Variants in ZBTB40 observed in about 807,000 individuals in gnomAD.
ZBTB40 encodes the protein zinc finger and BTB domain containing 40, also known as zinc finger and BTB domain-containing protein 40.
In ZBTB40, 60 loss-of-function variants were observed where a neutral mutation model predicts 117.5. The observed-to-expected ratio is 0.51, with a 90% CI of 0.41 to 0.63. ZBTB40 has a LOEUF of 0.63. Ranked by LOEUF, ZBTB40 falls within the 30% of genes least tolerant of loss-of-function variation. The pLI, the probability that ZBTB40 is intolerant of heterozygous loss-of-function variation, is 0.00. For missense variants in ZBTB40, 1,287 were observed against 1,498.5 expected (o/e 0.86, Z 2.33); for synonymous variants, 525 against 577.1 (o/e 0.91, Z 1.29).
chr1:22,472,283 A>C (rs541405344), intron 1 of ZBTB40, among the ~76,000 whole-genome samples: 1 of 151,786 alleles, frequency 6.6e-6, no homozygotes, highest in Non-Finnish European at 1.5e-5. Context: ...TCCTGGGCTC[A>C]AGTGATCCTT....
At chr1:22,448,983 T>C (rs1439884959), upstream of ZBTB40, among the ~76,000 whole-genome samples, 1 of 152,014 alleles carries the variant, frequency 6.6e-6, no homozygotes, top group Non-Finnish European at 1.5e-5. Context: ...CAACTAATTT[T>C]TTTTGTATTT....
chr1:22,428,912 C>G (rs1284890861), exon 1 of ZBTB40, among the ~76,000 whole-genome samples: 1 of 152,186 alleles, frequency 6.6e-6, no homozygotes, highest in Non-Finnish European at 1.5e-5. Flanking sequence ...TTTCTTTCTT[C>G]TTTCCAGTTA....
At chr1:22,524,569 T>C in intron 17 of ZBTB40, 125 bp downstream of exon 17, 3 of 1,140,866 alleles carry the variant, frequency 2.6e-6, no homozygotes, top group Non-Finnish European at 3.7e-6. Flanking sequence ...CTCTCTGGAC[T>C]TCTTACAAAA....
intron 16 of ZBTB40, 107 bp from the exon 17 acceptor site, chr1:22,524,111 C>G (rs867979572): frequency 9.1e-7 from 1 of 1,100,132 alleles, no homozygotes; most frequent in South Asian, 1.3e-5. Context: ...GCCTCCAAGC[C>G]TCGATCCTCA....
intron 1 of ZBTB40, among the ~76,000 whole-genome samples, chr1:22,435,812 G>A (rs995853138): frequency 6.6e-6 from 1 of 152,008 alleles, no homozygotes; most frequent in Non-Finnish European, 1.5e-5. Context: ...ACATACATAT[G>A]ACAAAGGACT....
intron 1 of ZBTB40, among the ~76,000 whole-genome samples, chr1:22,488,454 G>T (rs1391888141): frequency 6.6e-6 from 1 of 152,156 alleles, no homozygotes; most frequent in African/African-American, 2.4e-5. Flanking sequence ...TGCTAACATG[G>T]CCTCTGAGCA....
At chr1:22,519,357 G>C (rs1217114730) in intron 13 of ZBTB40, among the ~76,000 whole-genome samples, 1 of 152,230 alleles carries the variant, frequency 6.6e-6, no homozygotes. Flanking sequence ...GTAGCTCTCA[G>C]ACAGCATGGA....
At chr1:22,516,970 G>A (rs1265110648) in intron 12 of ZBTB40, among the ~76,000 whole-genome samples, 1 of 152,158 alleles carries the variant, frequency 6.6e-6, no homozygotes, top group Non-Finnish European at 1.5e-5. Flanking sequence ...ACGTGTTTCT[G>A]GGCACAGGGA....
intron 1 of ZBTB40, among the ~76,000 whole-genome samples, chr1:22,436,045 A>G (rs932039134): frequency 1.3e-5 from 2 of 152,104 alleles, no homozygotes; most frequent in Non-Finnish European, 2.9e-5. Context: ...GAACTCTTGC[A>G]TATTGATGAT....
In ZBTB40 at chr1:22,529,215, C is replaced by T. The variant is rs557132465; in HGVS notation, c.*2819C>T. 1 of 152,524 alleles carries T rather than the reference C, an allele frequency of 6.6e-6. No individual in the cohort carries two copies. The highest frequency in any genetic ancestry group is 2.4e-5 in the African/African-American group (1 of 41,564). The allele number at this position is 152,524 out of a possible 1,614,324, so 9.4% of individuals were successfully genotyped here. A position where few individuals can be genotyped will look rare whatever the true frequency, so the allele number is the denominator to read the frequency against. On this transcript the variant is annotated 3_prime_UTR_variant, in exon 18 of 18. Transcript: ENST00000375647. ...TAGAGGACAGTGTTTGTGTGGTCTC[C>T]TGAGTCCACATCGCTCGCTTCCATG...
Position 22,523,786 on chromosome 1 carries a change from G to A in ZBTB40, c.3299-432G>A, listed in dbSNP as rs554561289. On this transcript the variant is annotated intron_variant, in intron 16 of 17. Coordinates refer to ENST00000375647, the MANE Select transcript of ZBTB40 (RefSeq NM_014870.4). ...TGATGCTGCCACTTTTGATGTTGGT[G>A]TGCGCATTGACGATTGCACCTGACT... 4.6e-5 allele frequency among the ~76,000 whole-genome samples: 7 copies of A among 152,308 alleles called. No individual in the cohort carries two copies. In the South Asian group the frequency reaches 1.4e-3, roughly 32 times the overall value.
intron 1 of ZBTB40, among the ~76,000 whole-genome samples, chr1:22,463,238 G>A (rs1641171652): frequency 6.6e-6 from 1 of 152,152 alleles, no homozygotes; most frequent in South Asian, 2.1e-4. Flanking sequence ...CACCTTTACT[G>A]TAGAGCACAT....
chr1:22,505,109 A>T (rs573520090), intron 5 of ZBTB40, among the ~76,000 whole-genome samples: 1 of 152,308 alleles, frequency 6.6e-6, no homozygotes, highest in South Asian at 2.1e-4. Flanking sequence ...TTAAAATGGA[A>T]GTTAATTTGA....
upstream of ZBTB40, among the ~76,000 whole-genome samples, chr1:22,451,397 G>T (rs1304802193): frequency 6.6e-6 from 1 of 152,194 alleles, no homozygotes; most frequent in Non-Finnish European, 1.5e-5. Context: ...CATGGTGGGA[G>T]GCCGAGGCAG....
At position 22,524,448 on chromosome 1, in the gene ZBTB40, A is replaced by C. The variant is rs750860989; in HGVS notation, c.3525+4A>C. The C allele has an allele frequency of 6.2e-7, 1 of 1,612,856 alleles. No homozygotes were observed. The highest frequency in any genetic ancestry group is 1.7e-5 in the Admixed American group (1 of 60,012). On this transcript the variant is annotated splice_donor_region_variant and intron_variant, in intron 17 of 17. Transcript: ENST00000375647. ...CGCAGCCTCACAGATGGCGCAGGTG[A>C]TTCTGGGGCCATCAGCTACATTAGA...
intron 1 of ZBTB40, among the ~76,000 whole-genome samples, chr1:22,480,498 C>CGTT (rs376728466): frequency 4.6e-5 from 7 of 151,896 alleles, no homozygotes; most frequent in Non-Finnish European, 7.4e-5. Context: ...TTTTCTGTGT[C>CGTT]GTTGTTGTTG....
chr1:22,437,987 G>A (rs932946632), intron 1 of ZBTB40, among the ~76,000 whole-genome samples: 1 of 151,904 alleles, frequency 6.6e-6, no homozygotes, highest in East Asian at 2.0e-4. Context: ...AAAATTAGTC[G>A]GGTGTGGTGG....
intron 1 of ZBTB40, among the ~76,000 whole-genome samples, chr1:22,485,531 A>AT (rs559314189): frequency 2.6e-5 from 4 of 151,346 alleles, no homozygotes; most frequent in Admixed American, 6.6e-5. Context: ...GCCATCTTTG[A>AT]TTTTCTGACA....
At chr1:22,505,827 A>G (rs1187198020) in intron 5 of ZBTB40, among the ~76,000 whole-genome samples, 1 of 152,214 alleles carries the variant, frequency 6.6e-6, no homozygotes, top group Non-Finnish European at 1.5e-5. Context: ...CCTGCAATTG[A>G]GAAAGAAAGA....
Sources: gnomAD v4.1 joint callset for allele counts (sites outside exome capture counted in the v4.1 genomes callset) on GRCh38, gnomAD v4.1.1 for gene constraint, MANE v1.5 for transcripts, NCBI Gene and HGNC (gene_info 2026-07-23, HGNC 2026-07-21) for gene names.